Variants in GATAD2B observed in about 807,000 individuals in gnomAD.
GATAD2B encodes transcriptional repressor p66-beta.
GATAD2B carries 8 observed loss-of-function variants against 64.3 expected under a neutral mutation model. That is an observed-to-expected ratio of 0.12 (90% CI 0.07 to 0.22). GATAD2B has a LOEUF of 0.22. Among genes scored for constraint, GATAD2B ranks in the 10% least tolerant of loss-of-function variants. The pLI, the probability that GATAD2B is intolerant of heterozygous loss-of-function variation, is 1.00. For missense variants in GATAD2B, 453 were observed against 752.0 expected, an observed-to-expected ratio of 0.60 and a Z score of 4.65; for synonymous variants, 281 against 271.3, an observed-to-expected ratio of 1.04 and a Z score of -0.35.
intron 2 of GATAD2B, chr1:153,827,647 C>G (rs756011244): frequency 1.5e-4 from 30 of 205,100 alleles, no homozygotes; most frequent in Non-Finnish European, 2.1e-4. Context: ...ATAAATACAT[C>G]CTAAAACTCC....
intron 1 of GATAD2B, among the ~76,000 whole-genome samples, chr1:153,882,613 T>G (rs1677041700): frequency 6.6e-6 from 1 of 152,218 alleles, no homozygotes. Context: ...ATTTAAAAAT[T>G]TTTTAATGCT....
At chr1:153,876,142 C>T (rs1455175031) in intron 1 of GATAD2B, among the ~76,000 whole-genome samples, 4 of 141,454 alleles carry the variant, frequency 2.8e-5, no homozygotes, top group South Asian at 2.3e-4. Flanking sequence ...GCAGGAGAAT[C>T]GCTTGAACCC....
Position 153,828,150 on chromosome 1 carries a change from T to C in GATAD2B, c.198A>G (p.Lys66=). 1 of 1,614,162 alleles carries C rather than the reference T, an allele frequency of 6.2e-7. No homozygotes were observed. The highest frequency in any genetic ancestry group is 1.1e-5 in the South Asian group (1 of 91,086). ...AGCCCTTGACACCACTGCCATCCTG[T>C]TTGGTGGGTAACTCATGTGGCACCT... is the stretch of plus-strand genomic sequence containing the variant. The part of the protein sequence containing the change: ...NLEVPHELPT[K]QDGSGVKGYE... Residue 66 remains lysine, a synonymous_variant, in exon 2 of 11, where the codon AAA becomes AAG. Transcript: ENST00000368655.
Position 153,818,803 on chromosome 1 carries a change from A to G in GATAD2B, c.585T>C (p.Asn195=), listed in dbSNP as rs1479972453. The part of the protein sequence containing the change: ...KLRQSQLQKE[N]VVQKTPVVQN... ...TAGGGCACATTACCTTCTGGACCAC[A>G]TTCTCTTTCTGTAGCTGACTCTGTC... Residue 195 remains asparagine (N), a synonymous_variant, in exon 4 of 11, where the codon AAT becomes AAC. Transcript: ENST00000368655. 2.5e-6 allele frequency: 4 copies of G among 1,613,554 alleles called. No homozygotes were observed. Among genetic ancestry groups the G allele is most frequent in the Admixed American group, 1.7e-5 (1 of 59,998 alleles).
At chr1:153,885,918 C>CA (rs1447276384) in intron 1 of GATAD2B, among the ~76,000 whole-genome samples, 4 of 145,372 alleles carry the variant, frequency 2.8e-5, no homozygotes, top group Non-Finnish European at 6.0e-5. Context: ...AACCTAGATA[C>CA]AAAAAGAATT....
In GATAD2B at chr1:153,849,495, T is replaced by C. The variant is rs868728091; in HGVS notation, c.-1-21147A>G. Among the ~76,000 whole-genome samples, 4 of 152,366 alleles carry C rather than the reference T, an allele frequency of 2.6e-5. No homozygotes were observed. In the South Asian group the frequency reaches 8.3e-4, roughly 32 times the overall value. On this transcript the variant is annotated intron_variant, in intron 1 of 10. Transcript: ENST00000368655. ...TGTCCAAAATTGTTTCTTCCCCTAC[T>C]GTTACACATCTTAGCAAATGACACC...
chr1:153,871,385 A>T (rs1676660512), intron 1 of GATAD2B, among the ~76,000 whole-genome samples: 1 of 150,998 alleles, frequency 6.6e-6, no homozygotes, highest in Non-Finnish European at 1.5e-5. Context: ...TTGTATTTTT[A>T]GTAGAGATGG....
intron 1 of GATAD2B, chr1:153,890,569 C>A (rs1677351565): frequency 6.6e-6 from 1 of 151,436 alleles, no homozygotes; most frequent in Non-Finnish European, 1.5e-5. Context: ...TGGTTGGGGG[C>A]CATCCTGAAC....
At chr1:153,870,309 G>A (rs565477540) in intron 1 of GATAD2B, among the ~76,000 whole-genome samples, 22 of 152,172 alleles carry the variant, frequency 1.4e-4, no homozygotes, top group Non-Finnish European at 3.1e-4. Context: ...AGTGGCTCAC[G>A]CCTGTAATTC....
At chr1:153,815,352 GCCA>G (rs1674441845) in intron 7 of GATAD2B, among the ~76,000 whole-genome samples, 1 of 147,172 alleles carries the variant, frequency 6.8e-6, no homozygotes. Context: ...CATCATGCTA[GCCA>G]CCATTTAAAA....
intron 1 of GATAD2B, among the ~76,000 whole-genome samples, chr1:153,898,121 C>T (rs1332509092): frequency 2.0e-5 from 3 of 150,846 alleles, no homozygotes; most frequent in African/African-American, 4.9e-5. Flanking sequence ...CTATGCAACA[C>T]GGTAAAACCC....
At chr1:153,840,316 T>C (rs1025469539) in intron 1 of GATAD2B, among the ~76,000 whole-genome samples, 1 of 149,960 alleles carries the variant, frequency 6.7e-6, no homozygotes, top group African/African-American at 2.5e-5. Flanking sequence ...GTTACAGGCA[T>C]GAGCCACTGC....
At position 153,865,723 on chromosome 1, in the gene GATAD2B, G is replaced by C. The variant is rs538795922; in HGVS notation, c.-1-37375C>G. Among the ~76,000 whole-genome samples, 12 of 152,296 alleles carry C rather than the reference G, an allele frequency of 7.9e-5. No individual in the cohort carries two copies. The South Asian group carries it at 2.3e-3, about 29-fold the overall frequency. ...TCTCATAATCAGACTAAAAATACCAGAGGCAATTTGAATTCAGCAGCCTAT... is the reference window on the plus strand; with the variant it reads ...TCTCATAATCAGACTAAAAATACCACAGGCAATTTGAATTCAGCAGCCTAT... On this transcript the variant is annotated intron_variant, in intron 1 of 10. Coordinates refer to ENST00000368655, the MANE Select transcript of GATAD2B (RefSeq NM_020699.4).
At chr1:153,857,154 AT>A (rs563416186) in intron 1 of GATAD2B, among the ~76,000 whole-genome samples, 42,815 of 149,118 alleles carry the variant, frequency 0.29, 6,300 homozygotes, top group Admixed American at 0.39. Context: ...ATATATATAT[AT>A]ATAAATTGGC....
At chr1:153,897,921 G>A (rs576597876) in intron 1 of GATAD2B, among the ~76,000 whole-genome samples, 4 of 150,602 alleles carry the variant, frequency 2.7e-5, no homozygotes, top group Admixed American at 6.6e-5. Context: ...CTCGACGAAC[G>A]GATGGCTTGA....
chr1:153,911,862 A>G (rs1678117641), intron 1 of GATAD2B, among the ~76,000 whole-genome samples: 7 of 152,208 alleles, frequency 4.6e-5, no homozygotes, highest in Admixed American at 4.6e-4. Context: ...GCACCATAAC[A>G]GTATCCTTTA....
chr1:153,853,053 G>A (rs963026360), intron 1 of GATAD2B: 24 of 1,499,280 alleles, frequency 1.6e-5, no homozygotes, highest in East Asian at 6.8e-5. Context: ...CACAGTAGTC[G>A]TCACAGCATC....
intron 2 of GATAD2B, among the ~76,000 whole-genome samples, chr1:153,826,723 TGA>T (rs1349457004): frequency 6.6e-6 from 1 of 152,038 alleles, no homozygotes; most frequent in East Asian, 1.9e-4. Context: ...GAAGATCACT[TGA>T]GGCTGAGAGT....
chr1:153,870,178 T>C (rs1676614553), intron 1 of GATAD2B, among the ~76,000 whole-genome samples: 1 of 152,104 alleles, frequency 6.6e-6, no homozygotes, highest in African/African-American at 2.4e-5. Context: ...CTCGAACTCC[T>C]GGCCTCAAAA....
Sources: allele counts gnomAD v4.1 joint callset (sites outside exome capture counted in the v4.1 genomes callset), GRCh38; gene constraint gnomAD v4.1.1; transcripts MANE v1.5; gene names NCBI Gene and HGNC (gene_info 2026-07-23, HGNC 2026-07-21).